The following C8orf76 variants were observed in gnomAD, a reference collection of about 807,000 sequenced individuals.
The protein encoded by C8orf76 is uncharacterized protein C8orf76.
In C8orf76, 46 loss-of-function variants were observed where a neutral mutation model predicts 38.1. That is an observed-to-expected ratio of 1.21 (90% CI 0.95 to 1.54). The LOEUF (loss-of-function observed/expected upper bound fraction) is 1.54, where lower values mean the gene tolerates loss of function less well. C8orf76 is among the 40% of genes most tolerant of loss of function. C8orf76 has a pLI of 0.00. For synonymous variants in C8orf76, 166 were observed against 167.5 expected (o/e 0.99, Z 0.07); for missense variants, 461 against 441.6 (o/e 1.04, Z -0.39).
intron 4 of C8orf76, among the ~76,000 whole-genome samples, chr8:123,227,736 G>GA (rs975539640): frequency 3.3e-5 from 5 of 151,598 alleles, no homozygotes; most frequent in East Asian, 1.9e-4. Flanking sequence ...AATGAGGTGG[G>GA]AAAAAAAAGC....
chr8:123,228,358 C>T (rs369912722), intron 4 of C8orf76, among the ~76,000 whole-genome samples: 59 of 152,282 alleles, frequency 3.9e-4, no homozygotes, highest in African/African-American at 1.4e-3. Context: ...CGGTGGCTCA[C>T]GCCTGTAATC....
chr8:123,237,241 C>T (rs538625861), intron 3 of C8orf76, among the ~76,000 whole-genome samples: 1 of 152,312 alleles, frequency 6.6e-6, no homozygotes, highest in African/African-American at 2.4e-5. Flanking sequence ...CCCCAAAGAG[C>T]GGCGTCCTGC....
chr8:123,229,988 C>G (rs1825190727), intron 4 of C8orf76, among the ~76,000 whole-genome samples: 1 of 151,998 alleles, frequency 6.6e-6, no homozygotes, highest in Non-Finnish European at 1.5e-5. Context: ...TGCACTCCAG[C>G]CTGGGCAATA....
Position 123,239,141 on chromosome 8 carries a change from A to C in C8orf76, c.121T>G (p.Phe41Val). 1 of 1,613,998 alleles carries C rather than the reference A, an allele frequency of 6.2e-7. No individual in the cohort carries two copies. Among genetic ancestry groups the C allele is most frequent in the Non-Finnish European group, 8.5e-7 (1 of 1,179,960 alleles). Reference protein sequence around the residue: ...YCAKLCEPQWFYEETESSDDV... With the variant: ...YCAKLCEPQWVYEETESSDDV... ...TCACTGCTTTCTGTTTCTTCATAAA[A>C]CCACTTGAAATCATGAAAATAGCCT... Residue 41 changes from phenylalanine (F) to valine (V), a missense_variant, in exon 2 of 6, where the codon TTT becomes GTT. Coordinates refer to ENST00000276704, the MANE Select transcript of C8orf76 (RefSeq NM_032847.3).
chr8:123,235,965 T>C (rs1290869553), intron 3 of C8orf76, among the ~76,000 whole-genome samples: 4 of 152,162 alleles, frequency 2.6e-5, no homozygotes, highest in Admixed American at 2.0e-4. Context: ...ATGAACACAA[T>C]GAAATCCCAT....
rs142905514 is a variant in C8orf76 at position 123,225,785 on chromosome 8, C to T, written c.948+715G>A. 2.7e-3 allele frequency among the ~76,000 whole-genome samples: 404 copies of T among 152,078 alleles called. 2 individuals are homozygous for T. Among genetic ancestry groups the T allele is most frequent in the African/African-American group, 9.2e-3 (380 of 41,478 alleles). ...ACTAAAAATACAAAAATTAGCAGGGCGTGGTGGCACATGCCTGTGATCCCA... is the reference window on the plus strand; with the variant it reads ...ACTAAAAATACAAAAATTAGCAGGGTGTGGTGGCACATGCCTGTGATCCCA... On this transcript the variant is annotated intron_variant, in intron 5 of 5. Transcript: ENST00000276704.
chr8:123,239,004 T>G, intron 2 of C8orf76, 45 bp downstream of exon 2: 2 of 1,585,636 alleles, frequency 1.3e-6, no homozygotes, highest in Middle Eastern at 1.7e-4. Flanking sequence ...ATGCCATAAC[T>G]GATAAAACAA....
In C8orf76 at chr8:123,231,576, G is replaced by GCACTTTAAT. The variant is rs770948836; in HGVS notation, c.538_539insATTAAAGTG (p.Pro179_Ala180insAspTer). ...AGATGACGCAAGTGCTGCTGAAAGAGCTGGCCCCAGATTCAGGTAAGCCTC... is the reference window on the plus strand; with the variant it reads ...AGATGACGCAAGTGCTGCTGAAAGAGCACTTTAATCTGGCCCCAGATTCAGGTAAGCCTC... On this transcript the variant is annotated stop_gained, in exon 4 of 6. Transcript: ENST00000276704. LOFTEE classifies it high-confidence loss of function. The GCACTTTAAT allele has an allele frequency of 5.0e-6, 8 of 1,614,240 alleles. No individual in the cohort carries two copies. Among genetic ancestry groups the GCACTTTAAT allele is most frequent in the Middle Eastern group, 1.6e-4 (1 of 6,062 alleles).
intron 5 of C8orf76, among the ~76,000 whole-genome samples, chr8:123,223,173 G>C (rs1204852724): frequency 6.6e-6 from 1 of 152,100 alleles, no homozygotes; most frequent in Admixed American, 6.5e-5. Flanking sequence ...TAGGATATAG[G>C]GTCATGCCCA....
At chr8:123,227,033 T>C (rs1311589480) in intron 4 of C8orf76, among the ~76,000 whole-genome samples, 1 of 152,166 alleles carries the variant, frequency 6.6e-6, no homozygotes, top group East Asian at 1.9e-4. Flanking sequence ...ATTTGCTCCT[T>C]TGAAGTCAGT....
At chr8:123,241,096 CG>C (rs1825668517) in intron 1 of C8orf76, 133 bp downstream of exon 1, 2 of 868,852 alleles carry the variant, frequency 2.3e-6, no homozygotes, top group Non-Finnish European at 3.3e-6. Flanking sequence ...GGAGGGACGG[CG>C]GGGGACGCGG....
intron 4 of C8orf76, among the ~76,000 whole-genome samples, chr8:123,229,655 GTCAT>G (rs1408283070): frequency 6.6e-6 from 1 of 152,216 alleles, no homozygotes; most frequent in Non-Finnish European, 1.5e-5. Flanking sequence ...GCACACGGTT[GTCAT>G]TCAATGTGCC....
intron 5 of C8orf76, among the ~76,000 whole-genome samples, chr8:123,221,954 C>A (rs1485120017): frequency 6.6e-6 from 1 of 152,110 alleles, no homozygotes; most frequent in African/African-American, 2.4e-5. Flanking sequence ...TGGAGTGAGG[C>A]TCTATGTGAT....
chr8:123,236,388 G>T (rs1825477919), intron 3 of C8orf76, among the ~76,000 whole-genome samples: 1 of 151,914 alleles, frequency 6.6e-6, no homozygotes, highest in Non-Finnish European at 1.5e-5. Flanking sequence ...CCTTAACCTA[G>T]AAACAAAAGC....
chr8:123,226,336 C>A, intron 5 of C8orf76, 164 bp downstream of exon 5: 1 of 1,464,318 alleles, frequency 6.8e-7, no homozygotes, highest in South Asian at 1.4e-5. Flanking sequence ...GAATGCCGAT[C>A]AAGAGGCCGC....
chr8:123,226,487 G>C lies in C8orf76; in HGVS notation c.948+13C>G. ...GATGCTTCGTTTCACATAAACCCGA[G>C]GGATACACTCACCTCAGCTATCAAC... is the stretch of plus-strand genomic sequence containing the variant. On this transcript the variant is annotated intron_variant, in intron 5 of 5. Coordinates refer to ENST00000276704, the MANE Select transcript of C8orf76 (RefSeq NM_032847.3). 1 of 1,608,420 alleles carries C rather than the reference G, an allele frequency of 6.2e-7. No individual in the cohort carries two copies. The highest frequency in any genetic ancestry group is 2.2e-5 in the East Asian group (1 of 44,690).
intron 3 of C8orf76, among the ~76,000 whole-genome samples, chr8:123,233,827 G>T (rs1158042284): frequency 2.0e-5 from 3 of 151,904 alleles, no homozygotes; most frequent in Non-Finnish European, 4.4e-5. Context: ...AGGAGATCGA[G>T]ACCATCCTGG....
At chr8:123,236,783 CAAA>C (rs34417634) in intron 3 of C8orf76, 1,038 of 400,214 alleles carry the variant, frequency 2.6e-3, no homozygotes, top group East Asian at 4.0e-3. Context: ...GACTCTGTCT[CAAA>C]AAAAAAAAAA....
chr8:123,239,946 C>G (rs1348166639), intron 1 of C8orf76: 1 of 148,998 alleles, frequency 6.7e-6, no homozygotes, highest in Non-Finnish European at 1.5e-5. Context: ...GACCCGAGAT[C>G]GCGCCACTGC....
Sources: gnomAD v4.1 joint callset for allele counts (sites outside exome capture counted in the v4.1 genomes callset) on GRCh38, gnomAD v4.1.1 for gene constraint, MANE v1.5 for transcripts, NCBI Gene and HGNC (gene_info 2026-07-23, HGNC 2026-07-21) for gene names.